The following DYM variants were observed in gnomAD, a reference collection of about 807,000 sequenced individuals.
DYM encodes dyggve-Melchior-Clausen syndrome protein.
DYM carries 78 observed loss-of-function variants against 93.1 expected under a neutral mutation model. The observed-to-expected ratio is 0.84, with a 90% CI of 0.70 to 1.01. The LOEUF (loss-of-function observed/expected upper bound fraction) is 1.01, where lower values mean the gene tolerates loss of function less well. DYM is among the 50% of genes least tolerant of loss of function. The pLI is 0.00. For synonymous variants in DYM, 321 were observed against 319.7 expected (o/e 1.00, Z -0.04); for missense variants, 789 against 845.0 (o/e 0.93, Z 0.82).
At chr18:49,441,312 A>ATAATATATAT in intron 1 of DYM, among the ~76,000 whole-genome samples, 1 of 35,984 alleles carries the variant, frequency 2.8e-5, no homozygotes, top group African/African-American at 1.8e-4. Context: ...TATATAATTA[A>ATAATATATAT]TATATAATTA....
chr18:49,291,597 C>T (rs1019917722), intron 8 of DYM, among the ~76,000 whole-genome samples: 1 of 152,062 alleles, frequency 6.6e-6, no homozygotes, highest in African/African-American at 2.4e-5. Context: ...TAAGCAAACT[C>T]GAGGATCAGC....
At chr18:49,424,806 GA>G (rs1431922092) in intron 2 of DYM, among the ~76,000 whole-genome samples, 2 of 152,046 alleles carry the variant, frequency 1.3e-5, no homozygotes, top group Admixed American at 1.3e-4. Context: ...GCTTCAAAGA[GA>G]ATAAAATACC....
At chr18:49,345,465 T>C (rs1005505726) in intron 6 of DYM, among the ~76,000 whole-genome samples, 6 of 152,132 alleles carry the variant, frequency 3.9e-5, no homozygotes, top group Middle Eastern at 3.4e-3. Flanking sequence ...AAGCAAAGAC[T>C]TGAAAGAAGC....
intron 8 of DYM, among the ~76,000 whole-genome samples, chr18:49,317,615 C>CCTAT (rs2062078511): frequency 3.1e-5 from 1 of 31,760 alleles, no homozygotes; most frequent in South Asian, 2.0e-3. Flanking sequence ...CCCCCTCCCT[C>CCTAT]CCTCCCTCCC....
chr18:49,269,094 C>T (rs1201161612), intron 11 of DYM, among the ~76,000 whole-genome samples: 2 of 152,074 alleles, frequency 1.3e-5, no homozygotes, highest in South Asian at 2.1e-4. Flanking sequence ...AAAGAACTCA[C>T]ACAACTCAAT....
chr18:49,115,390 A>C (rs569790480), intron 16 of DYM, among the ~76,000 whole-genome samples: 1 of 152,370 alleles, frequency 6.6e-6, no homozygotes, highest in East Asian at 1.9e-4. Context: ...GGTACTGGGA[A>C]TTAGAGATTA....
At chr18:49,120,390 A>C (rs1245983338) in intron 15 of DYM, among the ~76,000 whole-genome samples, 1 of 152,220 alleles carries the variant, frequency 6.6e-6, no homozygotes. Context: ...AAAGATACCT[A>C]CACAAACGTA....
rs547669358 is a variant in DYM, at chr18:49,176,733, G to A, written c.1626-12946C>T. Among the ~76,000 whole-genome samples the A allele has an allele frequency of 7.2e-5, 11 of 151,872 alleles. No homozygotes were observed. In the South Asian group the frequency reaches 2.1e-3, roughly 29 times the overall value. On this transcript the variant is annotated intron_variant, in intron 14 of 17. Coordinates refer to ENST00000675505, the MANE Select transcript of DYM (RefSeq NM_001353214.3). ...CTTGGCTTCTTTCCAATTTTGACTA[G>A]ATTTGGTCAGAAATGTTATTTAGCA...
chr18:49,133,556 G>A (rs1387889224), intron 15 of DYM, among the ~76,000 whole-genome samples: 1 of 152,196 alleles, frequency 6.6e-6, no homozygotes, highest in East Asian at 1.9e-4. Flanking sequence ...TCAGGTTAGA[G>A]GCATTCATTT....
intron 17 of DYM, among the ~76,000 whole-genome samples, chr18:49,054,510 A>C (rs1313458303): frequency 6.6e-6 from 1 of 152,210 alleles, no homozygotes; most frequent in East Asian, 1.9e-4. Context: ...CCCAAAGTGC[A>C]GGAATTACAG....
At chr18:49,305,697 G>C (rs2061232825) in intron 8 of DYM, among the ~76,000 whole-genome samples, 1 of 152,114 alleles carries the variant, frequency 6.6e-6, no homozygotes, top group African/African-American at 2.4e-5. Context: ...TCCTATCACA[G>C]TGTACAAATA....
intron 8 of DYM, among the ~76,000 whole-genome samples, chr18:49,288,466 A>G (rs532411356): frequency 4.9e-4 from 74 of 152,276 alleles, no homozygotes; most frequent in Admixed American, 8.5e-4. Context: ...TTCTGGACAA[A>G]AAGAGTCAAT....
chr18:49,384,684 T>C (rs1187401913), intron 3 of DYM, among the ~76,000 whole-genome samples: 1 of 144,200 alleles, frequency 6.9e-6, no homozygotes, highest in Non-Finnish European at 1.5e-5. Flanking sequence ...CGACTAGAAA[T>C]GATTAAGAAA....
intron 17 of DYM, among the ~76,000 whole-genome samples, chr18:49,051,014 C>T (rs577505562): frequency 6.6e-6 from 1 of 152,130 alleles, no homozygotes; most frequent in Non-Finnish European, 1.5e-5. Flanking sequence ...AAACCAAGAC[C>T]CCAAAAGAAT....
At chr18:49,278,270 A>G (rs970614037) in intron 10 of DYM, among the ~76,000 whole-genome samples, 4 of 152,222 alleles carry the variant, frequency 2.6e-5, no homozygotes, top group Non-Finnish European at 5.9e-5. Flanking sequence ...GTGAAGTTTC[A>G]AATGAGTACG....
intron 17 of DYM, among the ~76,000 whole-genome samples, chr18:49,090,446 G>A (rs916947896): frequency 7.2e-5 from 11 of 152,140 alleles, no homozygotes; most frequent in Non-Finnish European, 1.0e-4. Context: ...ATAAAAACAG[G>A]AGAAAAAAGT....
At chr18:49,131,635 T>C (rs1599988953) in intron 15 of DYM, among the ~76,000 whole-genome samples, 1 of 152,210 alleles carries the variant, frequency 6.6e-6, no homozygotes, top group Non-Finnish European at 1.5e-5. Flanking sequence ...TATTGGGGGT[T>C]AGGGCTTCAA....
Position 49,043,673 on chromosome 18 carries a change from C to T in DYM, c.*382G>A, listed in dbSNP as rs2071099810. 1 of 185,602 alleles carries T rather than the reference C, an allele frequency of 5.4e-6. No individual in the cohort carries two copies. The highest frequency in any genetic ancestry group is 2.4e-5 in the African/African-American group (1 of 42,414). The allele number at this position is 185,602 out of a possible 1,614,324, so 11.5% of individuals were successfully genotyped here. On this transcript the variant is annotated 3_prime_UTR_variant, in exon 18 of 18. Transcript: ENST00000675505. ...TGAACATGCAAAAAAATAGTCTACG[C>T]TTTTGAATAGTGTGCACTGTTGAAT...
chr18:49,071,520 C>A (rs1318097725), intron 17 of DYM, among the ~76,000 whole-genome samples: 1 of 152,212 alleles, frequency 6.6e-6, no homozygotes, highest in Non-Finnish European at 1.5e-5. Context: ...CTTTATGGAA[C>A]CAGTGTGTCT....
Sources: allele counts gnomAD v4.1 joint callset (sites outside exome capture counted in the v4.1 genomes callset), GRCh38; gene constraint gnomAD v4.1.1; transcripts MANE v1.5; gene names NCBI Gene and HGNC (gene_info 2026-07-23, HGNC 2026-07-21).